The following GPC6 variants were observed in gnomAD, a reference collection of about 807,000 sequenced individuals.
GPC6 encodes the protein glypican 6, also known as glypican-6.
In GPC6, 14 loss-of-function variants were observed where a neutral mutation model predicts 55.2. The observed-to-expected ratio is 0.25, with a 90% confidence interval of 0.17 to 0.40. GPC6 has a LOEUF of 0.40. Ranked by LOEUF, GPC6 falls within the 10% of genes least tolerant of loss-of-function variation. GPC6 has a pLI of 1.00. For missense variants in GPC6, 641 were observed against 708.5 expected (o/e 0.90, Z 1.08); for synonymous variants, 278 against 259.6 (o/e 1.07, Z -0.68).
chr13:94,293,372 A>C (rs959550021), intron 5 of GPC6, among the ~76,000 whole-genome samples: 1 of 152,056 alleles, frequency 6.6e-6, no homozygotes, highest in African/African-American at 2.4e-5. Flanking sequence ...TTTTCACAAG[A>C]TCCAATGGTT....
At chr13:94,056,516 C>T (rs1884138965) in intron 4 of GPC6, among the ~76,000 whole-genome samples, 2 of 152,122 alleles carry the variant, frequency 1.3e-5, no homozygotes, top group Admixed American at 1.3e-4. Context: ...CCTTGGAAAG[C>T]AATAGTTGGT....
rs66957373 is a variant in GPC6, at chr13:93,561,404, G to GATATAT, written c.319+16000_319+16005dup. Among the ~76,000 whole-genome samples, 186 of 104,684 alleles carry GATATAT rather than the reference G, an allele frequency of 1.8e-3. 27 individuals are homozygous for GATATAT. The highest frequency in any genetic ancestry group is 2.3e-3 in the Non-Finnish European group (113 of 49,620). The allele number at this position is 104,684 out of a possible 152,430, so 68.7% of individuals were successfully genotyped here. A position where few individuals can be genotyped will look rare whatever the true frequency, so the allele number is the denominator to read the frequency against. On this transcript the variant is annotated intron_variant, in intron 2 of 8. Coordinates refer to ENST00000377047, the MANE Select transcript of GPC6 (RefSeq NM_005708.5). Reference sequence around the variant, plus strand: ...AATAATTGCATACTATATCCCTATCGATATATATATATATATATATATTTG... The same window carrying GATATAT: ...AATAATTGCATACTATATCCCTATCGATATATATATATATATATATATATATATTTG...
chr13:94,348,242 T>A (rs1487441144), intron 6 of GPC6, among the ~76,000 whole-genome samples: 3 of 152,232 alleles, frequency 2.0e-5, no homozygotes, highest in Non-Finnish European at 4.4e-5. Flanking sequence ...TGGAGTAATG[T>A]CACAGTATAT....
intron 4 of GPC6, among the ~76,000 whole-genome samples, chr13:94,163,262 AT>A (rs1888230859): frequency 6.6e-6 from 1 of 152,028 alleles, no homozygotes; most frequent in African/African-American, 2.4e-5. Flanking sequence ...CTATTTTCTT[AT>A]TATCCTGTTT....
chr13:93,391,932 C>A (rs913816378), intron 1 of GPC6, among the ~76,000 whole-genome samples: 2 of 152,112 alleles, frequency 1.3e-5, no homozygotes, highest in African/African-American at 4.8e-5. Context: ...AGTTTCTCAG[C>A]TGCTGAGCTG....
intron 3 of GPC6, among the ~76,000 whole-genome samples, chr13:94,015,134 A>G (rs191385989): frequency 6.6e-6 from 1 of 152,314 alleles, no homozygotes; most frequent in Admixed American, 6.5e-5. Context: ...ATGTGGCTGT[A>G]CTATTATACA....
intron 3 of GPC6, among the ~76,000 whole-genome samples, chr13:93,971,759 C>T (rs1880292073): frequency 6.6e-6 from 1 of 152,114 alleles, no homozygotes; most frequent in Non-Finnish European, 1.5e-5. Context: ...GACAGGATTG[C>T]AGAAGAGAGA....
chr13:93,644,495 T>A (rs1880089175), intron 2 of GPC6, among the ~76,000 whole-genome samples: 1 of 151,952 alleles, frequency 6.6e-6, no homozygotes, highest in South Asian at 2.1e-4. Flanking sequence ...CCACATTACA[T>A]AACAGTCATG....
At chr13:93,682,780 G>T (rs1881896605) in intron 2 of GPC6, among the ~76,000 whole-genome samples, 1 of 151,396 alleles carries the variant, frequency 6.6e-6, no homozygotes, top group Non-Finnish European at 1.5e-5. Flanking sequence ...GGCTGGAGCT[G>T]GCAGACCTCT....
chr13:94,134,877 T>A (rs1887127104), intron 4 of GPC6, among the ~76,000 whole-genome samples: 1 of 152,182 alleles, frequency 6.6e-6, no homozygotes, highest in Non-Finnish European at 1.5e-5. Flanking sequence ...TGAAGACAAA[T>A]GATTTACTTC....
intron 1 of GPC6, among the ~76,000 whole-genome samples, chr13:93,267,370 T>C (rs1877358506): frequency 6.6e-6 from 1 of 151,068 alleles, no homozygotes; most frequent in Non-Finnish European, 1.5e-5. Flanking sequence ...GGATCACTCA[T>C]TCATCGTTTT....
intron 2 of GPC6, among the ~76,000 whole-genome samples, chr13:93,608,432 CTTTATT>C (rs995913520): frequency 6.6e-6 from 1 of 152,018 alleles, no homozygotes; most frequent in African/African-American, 2.4e-5. Context: ...AATGAATAAA[CTTTATT>C]TTTATGTATT....
intron 2 of GPC6, among the ~76,000 whole-genome samples, chr13:93,698,788 T>G (rs1056078720): frequency 6.6e-5 from 10 of 152,002 alleles, no homozygotes; most frequent in Admixed American, 2.6e-4. Flanking sequence ...TCTTTTCCCC[T>G]CCCTCTTTTC....
chr13:94,207,878 G>A (rs1296890375), intron 4 of GPC6, among the ~76,000 whole-genome samples: 1 of 152,054 alleles, frequency 6.6e-6, no homozygotes, highest in Admixed American at 6.5e-5. Flanking sequence ...AAGTAATTGC[G>A]ATTTACTTTT....
chr13:93,285,616 C>CTGTGTG (rs754671051), intron 1 of GPC6, among the ~76,000 whole-genome samples: 1,065 of 103,560 alleles, frequency 0.01, 14 homozygotes, highest in African/African-American at 0.023. Context: ...GTATATACTG[C>CTGTGTG]TGTGTGTGTG....
At chr13:93,734,853 G>T (rs935503828) in intron 2 of GPC6, among the ~76,000 whole-genome samples, 1 of 152,036 alleles carries the variant, frequency 6.6e-6, no homozygotes, top group Non-Finnish European at 1.5e-5. Flanking sequence ...AACTATTAAT[G>T]ATTAATAATG....
intron 2 of GPC6, among the ~76,000 whole-genome samples, chr13:93,790,410 A>G (rs916045526): frequency 6.6e-6 from 1 of 152,224 alleles, no homozygotes; most frequent in Admixed American, 6.5e-5. Context: ...ATAGAAAGAC[A>G]TAACTAGTCC....
intron 3 of GPC6, among the ~76,000 whole-genome samples, chr13:93,866,920 A>C (rs893988526): frequency 4.6e-5 from 7 of 151,772 alleles, no homozygotes; most frequent in Admixed American, 2.6e-4. Context: ...AAAATATATA[A>C]TGTAAATAAT....
At chr13:93,220,010 T>C in the GPC6 span, among the ~76,000 whole-genome samples, 2 of 152,216 alleles carry the variant, frequency 1.3e-5, no homozygotes, top group Non-Finnish European at 2.9e-5. Context: ...CTGCAGGTAG[T>C]AGGAAATAAA....
Sources: gnomAD v4.1 joint callset for allele counts (sites outside exome capture counted in the v4.1 genomes callset) on GRCh38, gnomAD v4.1.1 for gene constraint, MANE v1.5 for transcripts, NCBI Gene and HGNC (gene_info 2026-07-23, HGNC 2026-07-21) for gene names.